CHST11: variants seen among roughly 807,000 people sequenced by gnomAD.
CHST11 encodes the protein carbohydrate sulfotransferase 11.
CHST11 carries 9 observed loss-of-function variants against 30.4 expected under a neutral mutation model. That is an observed-to-expected ratio of 0.30 (90% CI 0.18 to 0.52). The LOEUF (loss-of-function observed/expected upper bound fraction) is 0.52. Among genes scored for constraint, CHST11 ranks in the 20% least tolerant of loss-of-function variants. The pLI is 0.97. For missense variants in CHST11, 348 were observed against 460.6 expected, an observed-to-expected ratio of 0.76 and a Z score of 2.24; for synonymous variants, 152 against 187.8, an observed-to-expected ratio of 0.81 and a Z score of 1.56.
Position 104,537,693 on chromosome 12 carries a change from C to CTTT in CHST11, c.119-64196_119-64194dup, listed in dbSNP as rs3039113. On this transcript the variant is annotated intron_variant, in intron 1 of 2. Coordinates refer to ENST00000303694, the MANE Select transcript of CHST11 (RefSeq NM_018413.6). ...ATCTGCTCCTCCCAGTACCTCCCTG[C>CTTT]TTTTTTTTTTTTTTTTTTTGGAGAC... Among the ~76,000 whole-genome samples, 69 of 124,448 alleles carry CTTT rather than the reference C, an allele frequency of 5.5e-4. 4 individuals carry two copies. Among genetic ancestry groups the CTTT allele is most frequent in the African/African-American group, 1.7e-3 (55 of 32,852 alleles). The allele number at this position is 124,448 out of a possible 152,430, so 81.6% of individuals were successfully genotyped here.
chr12:104,551,757 A>T (rs1396200573), intron 1 of CHST11, among the ~76,000 whole-genome samples: 2 of 152,100 alleles, frequency 1.3e-5, no homozygotes, highest in Non-Finnish European at 2.9e-5. Flanking sequence ...CTAAAGCTTC[A>T]TGTGAGGCCG....
At chr12:104,475,472 A>G (rs1219836575) in intron 1 of CHST11, among the ~76,000 whole-genome samples, 3 of 151,646 alleles carry the variant, frequency 2.0e-5, no homozygotes, top group Admixed American at 1.3e-4. Context: ...TTGAATGGCT[A>G]CTGTTTGTGC....
intron 1 of CHST11, among the ~76,000 whole-genome samples, chr12:104,466,079 C>T (rs867553197): frequency 1.3e-5 from 2 of 151,928 alleles, no homozygotes; most frequent in Non-Finnish European, 2.9e-5. Context: ...AGGCTGGTCT[C>T]GAACTCCTGA....
chr12:104,718,738 G>A (rs1224412048), intron 2 of CHST11, among the ~76,000 whole-genome samples: 1 of 152,164 alleles, frequency 6.6e-6, no homozygotes, highest in African/African-American at 2.4e-5. Flanking sequence ...CCTGAAGACT[G>A]CAGCAAGCAG....
At chr12:104,582,370 G>A (rs535860222) in intron 1 of CHST11, among the ~76,000 whole-genome samples, 3 of 152,274 alleles carry the variant, frequency 2.0e-5, no homozygotes, top group Admixed American at 1.3e-4. Flanking sequence ...TGAAATCAGC[G>A]TTGGGGTAGT....
chr12:104,726,709 A>C (rs1203997940), intron 2 of CHST11, among the ~76,000 whole-genome samples: 1 of 152,154 alleles, frequency 6.6e-6, no homozygotes, highest in African/African-American at 2.4e-5. Flanking sequence ...GAGCGGCATC[A>C]AAACCTGCTG....
intron 2 of CHST11, among the ~76,000 whole-genome samples, chr12:104,660,045 A>C (rs989814727): frequency 2.6e-5 from 4 of 152,176 alleles, no homozygotes. Flanking sequence ...GAAAGCTTAA[A>C]ATTAAATATG....
Position 104,710,317 on chromosome 12 carries a change from C to G in CHST11, c.205-46632C>G, listed in dbSNP as rs7314471. ...AAAAGATGCACAAAAATTCTTGCACCGCTGGCGTGGTCTTCAGTTGGTGCT... is the reference window on the plus strand; with the variant it reads ...AAAAGATGCACAAAAATTCTTGCACGGCTGGCGTGGTCTTCAGTTGGTGCT... On this transcript the variant is annotated intron_variant, in intron 2 of 2. Transcript: ENST00000303694. Among the ~76,000 whole-genome samples, 966 of 152,260 alleles carry G rather than the reference C, an allele frequency of 6.3e-3. 11 individuals carry two copies. The highest frequency in any genetic ancestry group is 0.022 in the African/African-American group (920 of 41,558).
intron 2 of CHST11, among the ~76,000 whole-genome samples, chr12:104,662,994 T>A (rs1447219457): frequency 6.6e-6 from 1 of 152,248 alleles, no homozygotes. Context: ...ATTTATTTAA[T>A]GTGATTTGGT....
intron 2 of CHST11, among the ~76,000 whole-genome samples, chr12:104,708,039 C>G (rs867547899): frequency 9.6e-4 from 146 of 152,344 alleles, no homozygotes; most frequent in African/African-American, 3.4e-3. Context: ...CATGTCCATA[C>G]ACAATCATCC....
intron 2 of CHST11, among the ~76,000 whole-genome samples, chr12:104,610,043 CTG>C (rs56983056): frequency 0.027 from 3,897 of 142,974 alleles, 41 homozygotes; most frequent in South Asian, 0.061. Flanking sequence ...ATGAGTGCCT[CTG>C]TGTGTGTGTG....
chr12:104,457,674 C>A (rs1053559069), intron 1 of CHST11, 145 bp downstream of exon 1: 7 of 680,246 alleles, frequency 1.0e-5, no homozygotes, highest in African/African-American at 1.8e-5. Context: ...CTCCTGGCTG[C>A]CCAGATCTAC....
At chr12:104,650,038 GAGA>G (rs1185329123) in intron 2 of CHST11, among the ~76,000 whole-genome samples, 1 of 152,228 alleles carries the variant, frequency 6.6e-6, no homozygotes, top group East Asian at 1.9e-4. Flanking sequence ...GGATGGATGA[GAGA>G]AGGATTGGCA....
chr12:104,633,216 G>T (rs772383575), intron 2 of CHST11, among the ~76,000 whole-genome samples: 3 of 152,182 alleles, frequency 2.0e-5, no homozygotes, highest in Non-Finnish European at 2.9e-5. Flanking sequence ...ACTGAGGCTG[G>T]CTCATAATTC....
intron 2 of CHST11, among the ~76,000 whole-genome samples, chr12:104,708,669 G>A (rs1175272242): frequency 1.3e-5 from 2 of 152,100 alleles, no homozygotes; most frequent in African/African-American, 2.4e-5. Flanking sequence ...GGGTCACACG[G>A]AAGCCAGGCT....
chr12:104,631,187 C>T (rs1177937414), intron 2 of CHST11, among the ~76,000 whole-genome samples: 2 of 152,218 alleles, frequency 1.3e-5, no homozygotes, highest in Non-Finnish European at 2.9e-5. Flanking sequence ...TTTATGAATA[C>T]TGGCTGGTTG....
intron 1 of CHST11, among the ~76,000 whole-genome samples, chr12:104,490,076 CT>C (rs2037729928): frequency 6.6e-6 from 1 of 152,186 alleles, no homozygotes; most frequent in South Asian, 2.1e-4. Flanking sequence ...TGAGAAAGTT[CT>C]GGGGCAGCAT....
chr12:104,689,428 G>A (rs575273957), intron 2 of CHST11, among the ~76,000 whole-genome samples: 8 of 152,340 alleles, frequency 5.3e-5, no homozygotes, highest in Admixed American at 2.0e-4. Flanking sequence ...TTGAAGATGG[G>A]GCAGAACATA....
intron 1 of CHST11, among the ~76,000 whole-genome samples, chr12:104,581,769 C>G (rs2038747328): frequency 6.6e-6 from 1 of 152,174 alleles, no homozygotes; most frequent in South Asian, 2.1e-4. Flanking sequence ...GGCCTGTTAC[C>G]CTGGAGCTGC....
Sources: gnomAD v4.1 joint callset for allele counts (sites outside exome capture counted in the v4.1 genomes callset) on GRCh38, gnomAD v4.1.1 for gene constraint, MANE v1.5 for transcripts, NCBI Gene and HGNC (gene_info 2026-07-23, HGNC 2026-07-21) for gene names.